The following NUP188 variants were observed in gnomAD, a reference collection of about 807,000 sequenced individuals.
NUP188 encodes nucleoporin 188.
In NUP188, 97 loss-of-function variants were observed where a neutral mutation model predicts 223.0. The observed-to-expected ratio is 0.43, with a 90% CI of 0.37 to 0.51. NUP188 has a LOEUF of 0.51. Ranked by LOEUF, NUP188 falls within the 20% of genes least tolerant of loss-of-function variation. The probability of loss-of-function intolerance (pLI) is 0.00; values close to 1 mark genes in which losing one functional copy is unlikely to be tolerated. For synonymous variants in NUP188, 869 were observed against 828.0 expected, an observed-to-expected ratio of 1.05 and a Z score of -0.85; for missense variants, 1,947 against 2,175.6, an observed-to-expected ratio of 0.89 and a Z score of 2.09.
At position 129,007,068 on chromosome 9, in the gene NUP188, T is replaced by G; in HGVS notation, c.*390T>G. ...TTTTGGTAATTCTGTGGTCTATTTA[T>G]ACAGATATTAAAATCTTGTTTATAG... On this transcript the variant is annotated 3_prime_UTR_variant, in exon 44 of 44. Coordinates refer to ENST00000372577, the MANE Select transcript of NUP188 (RefSeq NM_015354.3). The G allele has an allele frequency of 6.0e-6, 1 of 166,670 alleles. No individual in the cohort carries two copies. The allele number at this position is 166,670 out of a possible 1,614,324, so 10.3% of individuals were successfully genotyped here.
At position 128,983,366 on chromosome 9, in the gene NUP188, C is replaced by T. The variant is rs145874026; in HGVS notation, c.1870C>T (p.Arg624Cys). ...CAACTGCTTAACTGTTTTGGCTGCC[C>T]GCAATCCAGCAAAGGTGAGATGCCA... ...CVNCLTVLAA[R>C]NPAKVWTDLR... Residue 624 changes from arginine (R) to cysteine (C), a missense_variant, in exon 18 of 44, where the codon CGC (arginine) becomes TGC (cysteine). By Grantham distance (180) the Arg-to-Cys change is radical. This residue lies in a region of NUP188 where 817 missense variants were observed against 865.8 expected (regional missense o/e 0.94). Coordinates refer to ENST00000372577, the MANE Select transcript of NUP188 (RefSeq NM_015354.3). The T allele has an allele frequency of 2.0e-4, 329 of 1,614,130 alleles. No individual in the cohort carries two copies. The highest frequency in any genetic ancestry group is 6.1e-4 in the African/African-American group (46 of 75,024).
intron 20 of NUP188, among the ~76,000 whole-genome samples, chr9:128,985,705 A>G (rs1842323190): frequency 6.6e-6 from 1 of 152,178 alleles, no homozygotes; most frequent in Admixed American, 6.5e-5. Context: ...AAAAAACTAT[A>G]CTTCCTGCCT....
intron 38 of NUP188, chr9:129,003,866 G>C (rs913815450): frequency 3.3e-6 from 1 of 303,710 alleles, no homozygotes; most frequent in African/African-American, 2.3e-5. Context: ...CCAGCTACTC[G>C]GGAGGCTGAG....
rs781164372 is a variant in NUP188 at position 128,983,350 on chromosome 9, A to G, written c.1854A>G (p.Leu618=). 6.2e-7 allele frequency: 1 copy of G among 1,614,186 alleles called. No individual in the cohort carries two copies. Among genetic ancestry groups the G allele is most frequent in the South Asian group, 1.1e-5 (1 of 91,084 alleles). Residue 618 remains leucine (L), a synonymous_variant, in exon 18 of 44, where the codon TTA becomes TTG. Transcript: ENST00000372577. ...TCATTGCTTCTTGTGTCAACTGCTT[A>G]ACTGTTTTGGCTGCCCGCAATCCAG... ...VDVIASCVNC[L]TVLAARNPAK...
At chr9:128,971,011 A>C in intron 11 of NUP188, 53 bp downstream of exon 11, 1 of 1,364,064 alleles carries the variant, frequency 7.3e-7, no homozygotes, top group Non-Finnish European at 1.1e-6. Context: ...CAGAAGCATT[A>C]TAATAATGTA....
At chr9:128,987,936 A>G in intron 23 of NUP188, 111 bp from the exon 24 acceptor site, 1 of 1,342,496 alleles carries the variant, frequency 7.4e-7, no homozygotes, top group Non-Finnish European at 1.0e-6. Context: ...GGCCTCTAAC[A>G]GAAGCTGTTG....
chr9:128,988,010 T>C, intron 23 of NUP188, 37 bp from the exon 24 acceptor site: 1 of 1,609,632 alleles, frequency 6.2e-7, no homozygotes, highest in Non-Finnish European at 8.5e-7. Flanking sequence ...GAAGTCATAC[T>C]GTCTGAATCA....
At chr9:128,974,386 G>C (rs1380012037) in intron 12 of NUP188, among the ~76,000 whole-genome samples, 1 of 130,546 alleles carries the variant, frequency 7.7e-6, no homozygotes, top group Non-Finnish European at 1.6e-5. Flanking sequence ...GCAGCAGGTT[G>C]TTGTTTTTTT....
At position 129,005,381 on chromosome 9, in the gene NUP188, T is replaced by C; in HGVS notation, c.4588T>C (p.Ser1530Pro). ...ACCGTCTGCTGCTTCTGCTGCCCCC[T>C]CCTCCTCAAAGCAGCCCGCTGCTGA... ...RPPSAASAAPSSSKQPAADTE... is the reference protein window; with the variant it reads ...RPPSAASAAPPSSKQPAADTE... Residue 1530 changes from serine to proline, a missense_variant, in exon 40 of 44, where the codon TCC (serine) becomes CCC (proline). Ser to Pro is a moderately conservative substitution (Grantham distance 74). Coordinates refer to ENST00000372577, the MANE Select transcript of NUP188 (RefSeq NM_015354.3). 6.2e-7 allele frequency: 1 copy of C among 1,613,184 alleles called. No individual in the cohort carries two copies. The highest frequency in any genetic ancestry group is 8.5e-7 in the Non-Finnish European group (1 of 1,179,988).
chr9:129,005,746 A>G lies in NUP188; in HGVS notation c.4839A>G (p.Thr1613=). 1 of 1,613,814 alleles carries G rather than the reference A, an allele frequency of 6.2e-7. No homozygotes were observed. The highest frequency in any genetic ancestry group is 8.5e-7 in the Non-Finnish European group (1 of 1,179,884). The change falls in exon 41 of 44, where the codon ACA becomes ACG. Residue 1613 remains threonine, a synonymous_variant. Coordinates refer to ENST00000372577, the MANE Select transcript of NUP188 (RefSeq NM_015354.3). ...CCTCCTTCGGGACCCTTCTGGCCAC[A>G]GTGAATGTGGCCCTCAACATGCTTG... The part of the protein sequence containing the change: ...VAPSFGTLLA[T]VNVALNMLGE...
intron 8 of NUP188, among the ~76,000 whole-genome samples, chr9:128,967,808 A>T (rs17455356): frequency 1.3e-5 from 2 of 151,874 alleles, no homozygotes; most frequent in African/African-American, 4.8e-5. Context: ...AAAAAAAATT[A>T]AAAGAATTAG....
chr9:128,999,128 C>T lies in NUP188; in HGVS notation c.3516-44C>T, dbSNP rs376721742. On this transcript the variant is annotated intron_variant, in intron 32 of 43. Transcript: ENST00000372577. The stretch of plus-strand genomic sequence containing the variant: ...TTGGCCTCCCAAAGTGCTAGGATTA[C>T]AGGCATGAGCCACCACGCCTGGCCC... 2.5e-5 allele frequency: 40 copies of T among 1,581,888 alleles called. No homozygotes were observed. In the East Asian group the frequency reaches 8.3e-4, roughly 33 times the overall value.
intron 2 of NUP188, 28 bp from the exon 3 acceptor site, chr9:128,952,745 T>C (rs1305050923): frequency 6.3e-7 from 1 of 1,586,608 alleles, no homozygotes; most frequent in Non-Finnish European, 8.6e-7. Context: ...AAATACTGCA[T>C]TTGTATAATT....
At chr9:128,957,072 CT>C in intron 5 of NUP188, 40 bp downstream of exon 5, 42 of 1,397,424 alleles carry the variant, frequency 3.0e-5, no homozygotes, top group South Asian at 7.4e-5. Flanking sequence ...TGCCTTTATC[CT>C]TTTTCCCTGT....
In NUP188 at chr9:128,995,325, A is replaced by G. The variant is rs1026154487; in HGVS notation, c.3162A>G (p.Ser1054=). 6.2e-7 allele frequency: 1 copy of G among 1,613,392 alleles called. No homozygotes were observed. The highest frequency in any genetic ancestry group is 8.5e-7 in the Non-Finnish European group (1 of 1,179,322). Residue 1054 remains serine, a synonymous_variant, in exon 30 of 44, where the codon TCA becomes TCG. Coordinates refer to ENST00000372577, the MANE Select transcript of NUP188 (RefSeq NM_015354.3). ...TTTTTTCTTGACACTGTAGGGGTTC[A>G]TTAGACCAGTCATTAAAGGATACAC... ...CLEIYYVVKG[S]LDQSLKDTLK... is the part of the protein sequence containing the mutation.
At chr9:128,974,123 T>C (rs900914953) in intron 12 of NUP188, among the ~76,000 whole-genome samples, 1 of 152,028 alleles carries the variant, frequency 6.6e-6, no homozygotes, top group Non-Finnish European at 1.5e-5. Flanking sequence ...CTTGGCCAGC[T>C]GGTCCCAAAC....
intron 25 of NUP188, among the ~76,000 whole-genome samples, chr9:128,991,344 C>T (rs1396552731): frequency 6.6e-6 from 1 of 151,616 alleles, no homozygotes; most frequent in Non-Finnish European, 1.5e-5. Context: ...TCAAGACCAG[C>T]GTGGCCAAGA....
chr9:128,994,912 C>G lies in NUP188; in HGVS notation c.3144C>G (p.Tyr1048Ter), dbSNP rs780228848. ...TGAAGATAATTTGCTTGGAGATATA[C>G]TATGTAGTAAAGTGAGTACTTTCCC... ...LIMKIICLEI[Y>*]YVVKGSLDQS... The change falls in exon 29 of 44, where the codon TAC (tyrosine) becomes TAG (stop). Residue 1048 changes from tyrosine to a stop codon, truncating the protein, a stop_gained. Coordinates refer to ENST00000372577, the MANE Select transcript of NUP188 (RefSeq NM_015354.3). LOFTEE classifies it high-confidence loss of function. The G allele has an allele frequency of 6.8e-6, 11 of 1,611,518 alleles. No homozygotes were observed.
At position 128,999,818 on chromosome 9, in the gene NUP188, C is replaced by G. The variant is rs1219770373; in HGVS notation, c.3843+13C>G. 28 of 1,613,156 alleles carry G rather than the reference C, an allele frequency of 1.7e-5. No individual in the cohort carries two copies. Among genetic ancestry groups the G allele is most frequent in the Non-Finnish European group, 2.4e-5 (28 of 1,179,278 alleles). ...CCAGCGTGATGGGGTGAGACAGTGC[C>G]CTAGAAGGCCATCCGTCCTTTCCAC... is the stretch of plus-strand genomic sequence containing the variant. On this transcript the variant is annotated intron_variant, in intron 34 of 43. Transcript: ENST00000372577.
Sources: gnomAD v4.1 joint callset for allele counts (sites outside exome capture counted in the v4.1 genomes callset) on GRCh38, gnomAD v4.1.1 for gene constraint, gnomAD v4.1.1 regional missense constraint, MANE v1.5 for transcripts, NCBI Gene and HGNC (gene_info 2026-07-23, HGNC 2026-07-21) for gene names.